LTBR: variants seen among roughly 807,000 people sequenced by gnomAD.
LTBR encodes the protein tumor necrosis factor receptor superfamily member 3.
Under a neutral mutation model 45.4 loss-of-function variants are expected in LTBR, and 15 were observed. The observed-to-expected ratio is 0.33, with a 90% CI of 0.22 to 0.51. LTBR has a LOEUF of 0.51. Ranked by LOEUF, LTBR falls within the 20% of genes least tolerant of loss-of-function variation. LTBR has a pLI of 0.97. For missense variants in LTBR, 450 were observed against 565.5 expected (o/e 0.80, Z 2.07); for synonymous variants, 228 against 231.0 (o/e 0.99, Z 0.12).
Position 6,388,769 on chromosome 12 carries a change from G to T in LTBR, c.776-31G>T, listed in dbSNP as rs756696160. Reference sequence around the variant, plus strand: ...AAGGCTAGGTCTGAGGCCTGCCGGGGAGCCTACACCCATTTCATTCTCCAT... The same window carrying T: ...AAGGCTAGGTCTGAGGCCTGCCGGGTAGCCTACACCCATTTCATTCTCCAT... On this transcript the variant is annotated intron_variant, in intron 7 of 9. Transcript: ENST00000228918. The surrounding 1 kb of genome is among the most constrained non-coding windows in gnomAD (Gnocchi z 4.3). 2 of 1,613,966 alleles carry T rather than the reference G, an allele frequency of 1.2e-6. No homozygotes were observed. Among genetic ancestry groups the T allele is most frequent in the South Asian group, 1.1e-5 (1 of 91,052 alleles).
At chr12:6,383,678 G>A (rs1424043758), upstream of LTBR, among the ~76,000 whole-genome samples, 4 of 152,230 alleles carry the variant, frequency 2.6e-5, no homozygotes, top group Admixed American at 6.5e-5. Context: ...TGATTTGCTA[G>A]TCCCTTGTAA....
At chr12:6,377,759 G>A (rs898843203) in intron 1 of LTBR, 2 of 899,592 alleles carry the variant, frequency 2.2e-6, no homozygotes, top group Non-Finnish European at 3.2e-6. Flanking sequence ...TTTTCTATTT[G>A]CCAGCTCATG....
chr12:6,375,543 TGGC>T, exon 1 of LTBR: 1 of 1,533,562 alleles, frequency 6.5e-7, no homozygotes, highest in Non-Finnish European at 8.7e-7. Context: ...GCCCGCCCGC[TGGC>T]CGGCCAGGGA....
upstream of LTBR, among the ~76,000 whole-genome samples, chr12:6,380,049 C>T (rs913148379): frequency 2.0e-5 from 3 of 151,818 alleles, no homozygotes; most frequent in African/African-American, 7.3e-5. Context: ...TCGGCTGTAT[C>T]ATTCTTTGTG....
At chr12:6,379,515 T>G (rs1032584125), upstream of LTBR, among the ~76,000 whole-genome samples, 1 of 152,236 alleles carries the variant, frequency 6.6e-6, no homozygotes, top group South Asian at 2.1e-4. Flanking sequence ...GGCTGCCCAC[T>G]GTGGAAGACA....
intron 6 of LTBR, chr12:6,387,705 A>G: frequency 6.5e-6 from 2 of 308,150 alleles, no homozygotes; most frequent in South Asian, 4.8e-5. Flanking sequence ...TATTGCTGGC[A>G]GCACTGGTAC....
chr12:6,377,470 G>C, intron 1 of LTBR: 1 of 654,002 alleles, frequency 1.5e-6, no homozygotes, highest in East Asian at 2.8e-5. Flanking sequence ...ACTCATGGGG[G>C]ATCGGGGCTC....
upstream of LTBR, chr12:6,384,054 G>A (rs1949009674): frequency 8.4e-7 from 1 of 1,194,746 alleles, no homozygotes; most frequent in African/African-American, 1.6e-5. Context: ...CGCCCCTCCC[G>A]CCCCGCATCG....
chr12:6,382,037 T>C (rs1183427847), upstream of LTBR, among the ~76,000 whole-genome samples: 1 of 152,110 alleles, frequency 6.6e-6, no homozygotes, highest in Non-Finnish European at 1.5e-5. Flanking sequence ...TATGCAAGAA[T>C]ACACAAAAGT....
At chr12:6,387,111 T>C (rs1443818605) in intron 6 of LTBR, 2 of 152,282 alleles carry the variant, frequency 1.3e-5, no homozygotes, top group African/African-American at 4.8e-5. Context: ...CTGGTGTTAT[T>C]AGAACCTGTA....
Position 6,386,322 on chromosome 12 carries a change from G to C in LTBR, c.570-25G>C. On this transcript the variant is annotated intron_variant, in intron 5 of 9. Coordinates refer to ENST00000228918, the MANE Select transcript of LTBR (RefSeq NM_002342.3). This position sits in a 1 kb window ranked among gnomAD's most constrained non-coding sequence, Gnocchi z 4.1. ...CACTGGTGGGCCAGGGCGTGAAAAG[G>C]TCATCATCTTTTTTTCCTCTGCAGG... 1 of 1,601,706 alleles carries C rather than the reference G, an allele frequency of 6.2e-7. No individual in the cohort carries two copies. Among genetic ancestry groups the C allele is most frequent in the South Asian group, 1.1e-5 (1 of 90,694 alleles).
At chr12:6,378,677 G>A (rs1453684620) in intron 1 of LTBR, among the ~76,000 whole-genome samples, 4 of 152,210 alleles carry the variant, frequency 2.6e-5, no homozygotes, top group Non-Finnish European at 4.4e-5. Context: ...CCAGGAGTTA[G>A]GGGTGGGGTC....
At chr12:6,382,641 G>A (rs995736391), upstream of LTBR, among the ~76,000 whole-genome samples, 15 of 152,174 alleles carry the variant, frequency 9.9e-5, no homozygotes, top group African/African-American at 3.6e-4. Context: ...CAGGTGAGGG[G>A]AGAGAGCCTC....
At position 6,386,366 on chromosome 12, in the gene LTBR, G is replaced by A; in HGVS notation, c.589G>A (p.Val197Met). The A allele has an allele frequency of 3.1e-6, 5 of 1,613,918 alleles. No individual in the cohort carries two copies. Among genetic ancestry groups the A allele is most frequent in the Non-Finnish European group, 4.2e-6 (5 of 1,179,956 alleles). Residue 197 changes from valine (V) to methionine (M), a missense_variant, in exon 6 of 10, where the codon GTG becomes ATG. Transcript: ENST00000228918. The surrounding 1 kb of genome is among the most constrained non-coding windows in gnomAD (Gnocchi z 4.1). ...CTGCAGGTGTGAGAACCAAGGTCTG[G>A]TGGAGGCAGCTCCAGGCACTGCCCA... ...PHTRCENQGL[V>M]EAAPGTAQSD...
At chr12:6,376,284 G>T in intron 1 of LTBR, 2 of 681,254 alleles carry the variant, frequency 2.9e-6, no homozygotes, top group Non-Finnish European at 3.6e-6. Context: ...ACCCGGGAGG[G>T]GCCCAGGTGA....
chr12:6,390,300 G>C lies in LTBR; in HGVS notation c.990G>C (p.Glu330Asp). 1 of 1,612,196 alleles carries C rather than the reference G, an allele frequency of 6.2e-7. No individual in the cohort carries two copies. ...AGAGTCCTCTGGACCTGACCAGGGA[G>C]CCGCAGTTGGAACCCGGGGAGCAGA... ...QQQSPLDLTR[E>D]PQLEPGEQSQ... Residue 330 changes from glutamate (E) to aspartate (D), a missense_variant, in exon 9 of 10, where the codon GAG becomes GAC. Transcript: ENST00000228918.
At position 6,391,245 on chromosome 12, in the gene LTBR, C is replaced by T. The variant is rs71584825; in HGVS notation, c.*308C>T. On this transcript the variant is annotated 3_prime_UTR_variant, in exon 10 of 10. Coordinates refer to ENST00000228918, the MANE Select transcript of LTBR (RefSeq NM_002342.3). Reference sequence around the variant, plus strand: ...TGCTGCCCACTACGGCACGCCGCACCGGAGCACGGCACCGAGGGAGCCGCC... The same window carrying T: ...TGCTGCCCACTACGGCACGCCGCACTGGAGCACGGCACCGAGGGAGCCGCC... The T allele has an allele frequency of 8.5e-4, 229 of 269,322 alleles. No individual in the cohort carries two copies. Among genetic ancestry groups the T allele is most frequent in the African/African-American group, 4.6e-3 (210 of 45,758 alleles). The allele number at this position is 269,322 out of a possible 1,614,324, so 16.7% of individuals were successfully genotyped here.
In LTBR at chr12:6,386,495, T is replaced by C; in HGVS notation, c.667+51T>C. ...GGGGGGGGCGCCTCTGAAAATGCCT[T>C]AATGCTCCACATCTTAAAAAAAATG... On this transcript the variant is annotated intron_variant, in intron 6 of 9. Transcript: ENST00000228918. The surrounding 1 kb of genome is among the most constrained non-coding windows in gnomAD (Gnocchi z 4.1). 2 of 1,383,788 alleles carry C rather than the reference T, an allele frequency of 1.4e-6. No homozygotes were observed. Among genetic ancestry groups the C allele is most frequent in the Non-Finnish European group, 2.0e-6 (2 of 976,344 alleles). The allele number at this position is 1,383,788 out of a possible 1,614,324, so 85.7% of individuals were successfully genotyped here.
intron 6 of LTBR, chr12:6,387,783 C>G (rs1016278041): frequency 4.7e-6 from 2 of 422,682 alleles, no homozygotes; most frequent in Non-Finnish European, 9.6e-6. Context: ...GCCTCTCTTT[C>G]TCTTCCCCTC....
Sources: allele counts gnomAD v4.1 joint callset (sites outside exome capture counted in the v4.1 genomes callset), GRCh38; gene constraint gnomAD v4.1.1; non-coding constraint Gnocchi (gnomAD v3.1); transcripts MANE v1.5; gene names NCBI Gene and HGNC (gene_info 2026-07-23, HGNC 2026-07-21).